Variants in LRRC7 observed in about 807,000 individuals in gnomAD.
The protein encoded by LRRC7 is leucine-rich repeat-containing protein 7.
LRRC7 carries 23 observed loss-of-function variants against 175.7 expected under a neutral mutation model. The observed-to-expected ratio is 0.13, with a 90% confidence interval of 0.09 to 0.19. The LOEUF (loss-of-function observed/expected upper bound fraction) is 0.19. LRRC7 is among the 10% of genes least tolerant of loss of function. The probability of loss-of-function intolerance (pLI) is 1.00; values close to 1 mark genes in which losing one functional copy is unlikely to be tolerated. For missense variants in LRRC7, 1,354 were observed against 1,904.7 expected (o/e 0.71, Z 5.38); for synonymous variants, 685 against 680.9 (o/e 1.01, Z -0.09).
chr1:69,863,954 T>A (rs900054894), intron 7 of LRRC7, among the ~76,000 whole-genome samples: 5 of 152,160 alleles, frequency 3.3e-5, no homozygotes, highest in African/African-American at 9.7e-5. Flanking sequence ...TCTCTCCTCA[T>A]GCTGTATGCT....
chr1:69,747,738 C>T (rs1239946797), intron 2 of LRRC7, among the ~76,000 whole-genome samples: 1 of 151,876 alleles, frequency 6.6e-6, no homozygotes, highest in African/African-American at 2.4e-5. Context: ...TGTAAATATT[C>T]AGGATATTGT....
intron 25 of LRRC7, among the ~76,000 whole-genome samples, chr1:70,095,187 T>C (rs1664300902): frequency 6.6e-6 from 1 of 152,178 alleles, no homozygotes; most frequent in Non-Finnish European, 1.5e-5. Flanking sequence ...AAAATAAAAT[T>C]CAGGAGCAAG....
chr1:69,840,946 T>C (rs1231840027), intron 7 of LRRC7, among the ~76,000 whole-genome samples: 1 of 152,070 alleles, frequency 6.6e-6, no homozygotes, highest in Middle Eastern at 3.2e-3. Context: ...GTAGAGAGAA[T>C]TCAAATGAAT....
At chr1:69,955,292 G>T (rs1437656307) in intron 8 of LRRC7, among the ~76,000 whole-genome samples, 1 of 152,030 alleles carries the variant, frequency 6.6e-6, no homozygotes, top group African/African-American at 2.4e-5. Context: ...TAAAATTTCA[G>T]CTATGCCAAG....
At chr1:70,064,206 T>C (rs1476896148) in intron 23 of LRRC7, among the ~76,000 whole-genome samples, 1 of 152,014 alleles carries the variant, frequency 6.6e-6, no homozygotes, top group Non-Finnish European at 1.5e-5. Context: ...TTTGTGCAAG[T>C]TTGTCTTCTG....
At chr1:69,832,941 C>T (rs913203568) in intron 5 of LRRC7, among the ~76,000 whole-genome samples, 3 of 152,012 alleles carry the variant, frequency 2.0e-5, no homozygotes, top group African/African-American at 7.2e-5. Flanking sequence ...CCTGTCTCAA[C>T]TAAAAATACA....
chr1:70,037,984 A>G, intron 20 of LRRC7, 129 bp from the exon 21 acceptor site: 1 of 1,236,536 alleles, frequency 8.1e-7, no homozygotes, highest in East Asian at 2.4e-5. Flanking sequence ...TACTATCTTA[A>G]TCATAAGTCA....
At chr1:69,827,747 G>A (rs976790335) in intron 5 of LRRC7, among the ~76,000 whole-genome samples, 8 of 152,028 alleles carry the variant, frequency 5.3e-5, no homozygotes, top group Non-Finnish European at 1.0e-4. Flanking sequence ...ACTAAGGTGG[G>A]AGAATCACTT....
At chr1:69,717,853 G>GAAAGGAAAGAAAGAAAGAAAGAAAGAAA in intron 2 of LRRC7, among the ~76,000 whole-genome samples, 1 of 15,632 alleles carries the variant, frequency 6.4e-5, no homozygotes, top group African/African-American at 4.1e-4. Flanking sequence ...AAGAAAGAAA[G>GAAAGGAAAGAAAGAAAGAAAGAAAGAAA]GAAAGAAAGA....
chr1:69,813,050 C>T (rs1203337878), intron 4 of LRRC7, among the ~76,000 whole-genome samples: 2 of 152,092 alleles, frequency 1.3e-5, no homozygotes, highest in African/African-American at 2.4e-5. Flanking sequence ...TGACCCCATT[C>T]TCCCATTTCC....
rs1015439285 is a variant in LRRC7 at position 69,833,936 on chromosome 1, A to G, written c.501-844A>G. ...TGAGGAGAAGGCAAATTTGAAGACT[A>G]TTTAGGAGTATTTTATAAAATAACA... On this transcript the variant is annotated intron_variant, in intron 5 of 26. Coordinates refer to ENST00000651989, the MANE Select transcript of LRRC7 (RefSeq NM_001370785.2). Among the ~76,000 whole-genome samples, 20 of 152,258 alleles carry G rather than the reference A, an allele frequency of 1.3e-4. No individual in the cohort carries two copies. The East Asian group carries it at 3.9e-3, about 29-fold the overall frequency.
intron 22 of LRRC7, among the ~76,000 whole-genome samples, chr1:70,044,597 C>T (rs528249627): frequency 2.0e-5 from 3 of 151,938 alleles, no homozygotes; most frequent in East Asian, 1.9e-4. Flanking sequence ...CATTTTTTTG[C>T]AGGAACTGTA....
intron 11 of LRRC7, 24 bp downstream of exon 11, chr1:69,994,657 G>A: frequency 1.3e-6 from 2 of 1,550,926 alleles, no homozygotes. Context: ...TTTCATTCCA[G>A]TCTGCCTCTC....
At chr1:69,771,229 A>AACTC (rs1211007937) in intron 3 of LRRC7, among the ~76,000 whole-genome samples, 2 of 152,234 alleles carry the variant, frequency 1.3e-5, no homozygotes, top group Non-Finnish European at 2.9e-5. Flanking sequence ...AATGTAGATT[A>AACTC]ACTCTCTAAA....
At chr1:69,846,441 A>T (rs997464547) in intron 7 of LRRC7, among the ~76,000 whole-genome samples, 3 of 152,068 alleles carry the variant, frequency 2.0e-5, no homozygotes, top group Non-Finnish European at 2.9e-5. Context: ...TGATTAGTTT[A>T]CCAAAAGATA....
intron 25 of LRRC7, among the ~76,000 whole-genome samples, chr1:70,093,983 T>C (rs1198357654): frequency 1.3e-5 from 2 of 152,210 alleles, no homozygotes; most frequent in Admixed American, 6.5e-5. Flanking sequence ...TTTTTAATGA[T>C]GCATTCACAA....
At chr1:69,792,365 G>C (rs1056659543) in intron 4 of LRRC7, among the ~76,000 whole-genome samples, 1 of 151,906 alleles carries the variant, frequency 6.6e-6, no homozygotes, top group Non-Finnish European at 1.5e-5. Flanking sequence ...TGCTTGACTC[G>C]TTCAAGTCTT....
At chr1:70,052,826 TG>T (rs903224852) in intron 22 of LRRC7, among the ~76,000 whole-genome samples, 199 bp from the exon 23 acceptor site, 1 of 152,188 alleles carries the variant, frequency 6.6e-6, no homozygotes, top group African/African-American at 2.4e-5. Flanking sequence ...TTATTTTAAT[TG>T]CATTTTTCAT....
chr1:70,021,024 C>G lies in LRRC7; in HGVS notation c.1440C>G (p.Asp480Glu). 7 of 1,606,834 alleles carry G rather than the reference C, an allele frequency of 4.4e-6. No individual in the cohort carries two copies. Among genetic ancestry groups the G allele is most frequent in the African/African-American group, 1.3e-5 (1 of 74,708 alleles). The change falls in exon 16 of 27, where the codon GAC (aspartate) becomes GAG (glutamate). Residue 480 changes from aspartate (D) to glutamate (E), a missense_variant. Physicochemically the swap from Asp to Glu is conservative, Grantham distance 45 (BLOSUM62 2). Around this residue, in one of 4 missense-constraint regions of LRRC7, gnomAD observed 201 missense variants for 481.4 expected, o/e 0.42. Coordinates refer to ENST00000651989, the MANE Select transcript of LRRC7 (RefSeq NM_001370785.2). ...RGDEDFQSDS[D>E]SFNPTLWEEQ... ...CTGTAGATTTCCAGTCAGACAGTGA[C>G]AGCTTTAACCCTACACTGTGGGAAG...
Sources: allele counts gnomAD v4.1 joint callset (sites outside exome capture counted in the v4.1 genomes callset), GRCh38; gene constraint gnomAD v4.1.1; regional missense constraint gnomAD v4.1.1; transcripts MANE v1.5; gene names NCBI Gene and HGNC (gene_info 2026-07-23, HGNC 2026-07-21).